Variants in RNASET2 observed in about 807,000 individuals in gnomAD.
RNASET2 encodes the protein ribonuclease 6.
Under a neutral mutation model 33.9 loss-of-function variants are expected in RNASET2, and 28 were observed. That is an observed-to-expected ratio of 0.83 (90% CI 0.61 to 1.13). The LOEUF is 1.13. Ranked by LOEUF, RNASET2 falls within the 50% of genes most tolerant of loss-of-function variation. RNASET2 has a pLI of 0.00. For synonymous variants in RNASET2, 123 were observed against 121.0 expected, an observed-to-expected ratio of 1.02 and a Z score of -0.11; for missense variants, 330 against 319.9, an observed-to-expected ratio of 1.03 and a Z score of -0.24.
In RNASET2 at chr6:166,952,761, C is replaced by T. The variant is rs58474231; in HGVS notation, c.87-213G>A. ...TGTGGTGGCGTCCAGTGCTGAGTGG[C>T]GGAGAACATGAATAGGATAAGGGGA... On this transcript the variant is annotated intron_variant, in intron 1 of 8. Transcript: ENST00000508775. 3,934 of 547,628 alleles carry T rather than the reference C, an allele frequency of 7.2e-3. 91 individuals are homozygous for T. Among genetic ancestry groups the T allele is most frequent in the African/African-American group, 0.064 (3,371 of 52,854 alleles). 33.9% of individuals were successfully genotyped at this position (547,628 alleles called of 1,614,324 possible).
chr6:166,943,777 G>T, intron 4 of RNASET2: 1 of 470,092 alleles, frequency 2.1e-6, no homozygotes, highest in Non-Finnish European at 4.4e-6. Flanking sequence ...AGGGGGAAGG[G>T]AGTGAACTGT....
At chr6:166,945,759 G>A (rs1453209810) in intron 4 of RNASET2, among the ~76,000 whole-genome samples, 1 of 151,412 alleles carries the variant, frequency 6.6e-6, no homozygotes, top group Non-Finnish European at 1.5e-5. Flanking sequence ...GAACCCGGGA[G>A]GTGGAGGTTG....
chr6:166,938,320 C>T (rs999442968), intron 6 of RNASET2, among the ~76,000 whole-genome samples: 8 of 152,064 alleles, frequency 5.3e-5, no homozygotes, highest in African/African-American at 1.2e-4. Flanking sequence ...TGAGTGGGCT[C>T]GGTGTGGCGC....
rs1273742090 is a variant in RNASET2 at position 166,933,824 on chromosome 6, T to C, written c.492+267A>G. The stretch of plus-strand genomic sequence containing the variant: ...GACTCTTGAAACTGCAGATTCCACC[T>C]GCTCTGCCGGACCCTGGAGCACACA... On this transcript the variant is annotated intron_variant, in intron 7 of 8. Coordinates refer to ENST00000508775, the MANE Select transcript of RNASET2 (RefSeq NM_003730.6). This position sits in a 1 kb window ranked among gnomAD's most constrained non-coding sequence, Gnocchi z 4.1. 3 of 536,530 alleles carry C rather than the reference T, an allele frequency of 5.6e-6. No individual in the cohort carries two copies. The highest frequency in any genetic ancestry group is 9.9e-6 in the Non-Finnish European group (3 of 301,656). 33.2% of individuals were successfully genotyped at this position (536,530 alleles called of 1,614,324 possible).
rs1250274124 is a variant in RNASET2 at position 166,924,606 on chromosome 6, C to G, written c.*4982G>C. Among the ~76,000 whole-genome samples, 1 of 152,182 alleles carries G rather than the reference C, an allele frequency of 6.6e-6. No homozygotes were observed. Among genetic ancestry groups the G allele is most frequent in the Non-Finnish European group, 1.5e-5 (1 of 68,040 alleles). On this transcript the variant is annotated 3_prime_UTR_variant, in exon 9 of 9. Coordinates refer to ENST00000508775, the MANE Select transcript of RNASET2 (RefSeq NM_003730.6). ...TCTTCAGGTTCCGAGGAAGCCTTCC[C>G]TGGCCGCCTTCATAACTCTGACCTC...
rs1214349103 is a variant in RNASET2 at position 166,929,584 on chromosome 6, G to A, written c.*4C>T. 3 of 1,613,464 alleles carry A rather than the reference G, an allele frequency of 1.9e-6. No individual in the cohort carries two copies. Among genetic ancestry groups the A allele is most frequent in the Non-Finnish European group, 8.5e-7 (1 of 1,179,572 alleles). ...TAAAACAGAATATTTCCAAAACTTG[G>A]GCATCAATGCTTGGTCTTTTTAGGT... On this transcript the variant is annotated 3_prime_UTR_variant, in exon 9 of 9. Coordinates refer to ENST00000508775, the MANE Select transcript of RNASET2 (RefSeq NM_003730.6).
chr6:166,922,296 T>G lies in RNASET2; in HGVS notation c.*7292A>C, dbSNP rs928366537. On this transcript the variant is annotated 3_prime_UTR_variant, in exon 9 of 9. Coordinates refer to ENST00000508775, the MANE Select transcript of RNASET2 (RefSeq NM_003730.6). The stretch of plus-strand genomic sequence containing the variant: ...TCAAAAAGCGCGGTGATCTGAGTTA[T>G]AGTAAAGCCTGTTTCGTTGGTGTTT... Among the ~76,000 whole-genome samples, 1 of 152,242 alleles carries G rather than the reference T, an allele frequency of 6.6e-6. No homozygotes were observed. Among genetic ancestry groups the G allele is most frequent in the African/African-American group, 2.4e-5 (1 of 41,462 alleles).
intron 2 of RNASET2, among the ~76,000 whole-genome samples, chr6:166,951,608 T>C (rs1434045948): frequency 2.0e-5 from 3 of 152,272 alleles, no homozygotes; most frequent in Non-Finnish European, 4.4e-5. Context: ...TGGTCACTTC[T>C]CACCGTGCCC....
At chr6:166,947,028 G>A (rs1451909389) in intron 3 of RNASET2, among the ~76,000 whole-genome samples, 1 of 152,104 alleles carries the variant, frequency 6.6e-6, no homozygotes, top group African/African-American at 2.4e-5. Flanking sequence ...TAGTAGCACC[G>A]AGGAGCGGGG....
intron 6 of RNASET2, among the ~76,000 whole-genome samples, chr6:166,936,770 C>G (rs1198224960): frequency 2.0e-5 from 3 of 152,234 alleles, no homozygotes; most frequent in Admixed American, 2.0e-4. Flanking sequence ...GATAAACCAA[C>G]CACATCCAAA....
In RNASET2 at chr6:166,926,955, C is replaced by G. The variant is rs939507957; in HGVS notation, c.*2633G>C. Among the ~76,000 whole-genome samples, 2 of 152,174 alleles carry G rather than the reference C, an allele frequency of 1.3e-5. No individual in the cohort carries two copies. Among genetic ancestry groups the G allele is most frequent in the African/African-American group, 4.8e-5 (2 of 41,442 alleles). The stretch of plus-strand genomic sequence containing the variant: ...TCCTGAGATGCGCCTGCTCCTTTGT[C>G]CCCCTGGGAGACACTTGTACCCCCA... On this transcript the variant is annotated 3_prime_UTR_variant, in exon 9 of 9. Coordinates refer to ENST00000508775, the MANE Select transcript of RNASET2 (RefSeq NM_003730.6).
At chr6:166,953,834 C>T (rs1779043631) in intron 1 of RNASET2, among the ~76,000 whole-genome samples, 1 of 149,436 alleles carries the variant, frequency 6.7e-6, no homozygotes, top group East Asian at 2.0e-4. Flanking sequence ...GAGCCCAGAT[C>T]ACATCACTGC....
chr6:166,953,879 CAAA>C (rs548523987), intron 1 of RNASET2, among the ~76,000 whole-genome samples: 9 of 110,674 alleles, frequency 8.1e-5, no homozygotes, highest in Admixed American at 1.9e-4. Context: ...GACCCTGTCT[CAAA>C]AAAAAAAAAA....
In RNASET2 at chr6:166,940,451, T is replaced by C. The variant is rs540973932; in HGVS notation, c.333-1443A>G. On this transcript the variant is annotated intron_variant, in intron 5 of 8. Transcript: ENST00000508775. ...CATCTAGAAGCCTTTCCAGAGCAAA[T>C]TACCTGATAACTTCCTATATCCTAT... Among the ~76,000 whole-genome samples the C allele has an allele frequency of 3.9e-5, 6 of 152,136 alleles. No individual in the cohort carries two copies. In the South Asian group the frequency reaches 1.2e-3, roughly 32 times the overall value.
intron 1 of RNASET2, among the ~76,000 whole-genome samples, chr6:166,954,987 T>TA (rs1168040155): frequency 5.3e-5 from 8 of 150,932 alleles, no homozygotes; most frequent in Middle Eastern, 3.2e-3. Context: ...TAAGACTGTC[T>TA]AAAAAAAAAT....
chr6:166,931,012 A>C, intron 8 of RNASET2, 32 bp downstream of exon 8: 4 of 1,504,576 alleles, frequency 2.7e-6, no homozygotes, highest in Non-Finnish European at 2.8e-6. Flanking sequence ...TCTTCTTGAG[A>C]AAAAAAGGAA....
intron 8 of RNASET2, among the ~76,000 whole-genome samples, chr6:166,930,496 C>T (rs1465499928): frequency 1.3e-5 from 2 of 148,508 alleles, no homozygotes; most frequent in Admixed American, 1.3e-4. Flanking sequence ...CATGCCCACA[C>T]AGCACGTTCA....
At chr6:166,948,000 A>G (rs952020539) in intron 3 of RNASET2, among the ~76,000 whole-genome samples, 5 of 152,224 alleles carry the variant, frequency 3.3e-5, no homozygotes, top group Non-Finnish European at 7.3e-5. Context: ...AAATGAGAAA[A>G]TTAAAATGTA....
chr6:166,931,334 T>C, intron 7 of RNASET2: 2 of 590,882 alleles, frequency 3.4e-6, no homozygotes, highest in African/African-American at 1.9e-5. Context: ...AGCCGCTCGC[T>C]GCGGCTCTGT....
Sources: gnomAD v4.1 joint callset for allele counts (sites outside exome capture counted in the v4.1 genomes callset) on GRCh38, gnomAD v4.1.1 for gene constraint, Gnocchi (gnomAD v3.1) non-coding constraint, MANE v1.5 for transcripts, NCBI Gene and HGNC (gene_info 2026-07-23, HGNC 2026-07-21) for gene names.